Variants in SNTG1 observed in about 807,000 individuals in gnomAD.
The protein encoded by SNTG1 is syntrophin gamma 1.
Under a neutral mutation model 74.7 loss-of-function variants are expected in SNTG1, and 39 were observed. The ratio of observed to expected loss-of-function variants is 0.52; its 90% CI spans 0.40 to 0.68. The LOEUF (loss-of-function observed/expected upper bound fraction) is 0.68, where lower values mean the gene tolerates loss of function less well. Among genes scored for constraint, SNTG1 ranks in the 30% least tolerant of loss-of-function variants. The pLI is 0.00. For missense variants in SNTG1, 685 were observed against 609.5 expected (o/e 1.12, Z -1.30); for synonymous variants, 254 against 217.1 (o/e 1.17, Z -1.49).
chr8:50,351,762 T>C (rs2091669753), intron 2 of SNTG1, among the ~76,000 whole-genome samples: 1 of 152,158 alleles, frequency 6.6e-6, no homozygotes, highest in Non-Finnish European at 1.5e-5. Flanking sequence ...GTCTGAAAAC[T>C]CTGGAAAATA....
intron 10 of SNTG1, among the ~76,000 whole-genome samples, chr8:50,535,977 T>C (rs2094304303): frequency 6.6e-6 from 1 of 152,122 alleles, no homozygotes; most frequent in Non-Finnish European, 1.5e-5. Context: ...GAAGGAAACA[T>C]GAATCAAGTG....
intron 15 of SNTG1, among the ~76,000 whole-genome samples, chr8:50,686,204 TCTC>T (rs2095351904): frequency 6.6e-6 from 1 of 152,146 alleles, no homozygotes; most frequent in Non-Finnish European, 1.5e-5. Flanking sequence ...GGCAGTATCA[TCTC>T]CTGTTGAAAA....
At chr8:50,414,438 C>T (rs1370796737) in intron 4 of SNTG1, among the ~76,000 whole-genome samples, 1 of 152,030 alleles carries the variant, frequency 6.6e-6, no homozygotes, top group Non-Finnish European at 1.5e-5. Flanking sequence ...CATACTGACA[C>T]ACTAAGAGAG....
At chr8:50,701,301 T>C (rs965195530) in intron 15 of SNTG1, among the ~76,000 whole-genome samples, 3 of 152,196 alleles carry the variant, frequency 2.0e-5, no homozygotes, top group African/African-American at 7.2e-5. Flanking sequence ...ATTTTTGCTA[T>C]AGTAGCTTGT....
intron 2 of SNTG1, among the ~76,000 whole-genome samples, chr8:50,185,820 T>A (rs1204449517): frequency 6.6e-6 from 1 of 151,970 alleles, no homozygotes; most frequent in Non-Finnish European, 1.5e-5. Flanking sequence ...CTATTGTTTT[T>A]TATTTTATTT....
At chr8:50,370,903 C>G (rs866607201) in intron 2 of SNTG1, among the ~76,000 whole-genome samples, 1 of 152,114 alleles carries the variant, frequency 6.6e-6, no homozygotes, top group African/African-American at 2.4e-5. Flanking sequence ...AAAGTTGGAT[C>G]AGGCCGAATT....
At chr8:49,995,043 C>T (rs1204600471) in intron 1 of SNTG1, among the ~76,000 whole-genome samples, 1 of 152,068 alleles carries the variant, frequency 6.6e-6, no homozygotes. Flanking sequence ...TGAACTTGGC[C>T]TTTTCTTTTA....
intron 1 of SNTG1, among the ~76,000 whole-genome samples, chr8:49,925,449 T>TCTGC (rs1408006218): frequency 1.1e-4 from 17 of 150,384 alleles, no homozygotes; most frequent in Admixed American, 1.1e-3. Context: ...TGTGTATCTG[T>TCTGC]CTGTCTGTCT....
chr8:50,233,597 C>A (rs760817903), intron 2 of SNTG1, among the ~76,000 whole-genome samples: 3 of 151,510 alleles, frequency 2.0e-5, no homozygotes, highest in African/African-American at 2.4e-5. Flanking sequence ...TTTGAAAATT[C>A]TGTTAAGAAG....
intron 1 of SNTG1, among the ~76,000 whole-genome samples, chr8:49,959,027 T>C (rs1810442157): frequency 6.6e-6 from 1 of 152,236 alleles, no homozygotes; most frequent in Non-Finnish European, 1.5e-5. Flanking sequence ...CCTTGCAATA[T>C]ACACGTTAAA....
intron 2 of SNTG1, among the ~76,000 whole-genome samples, chr8:50,369,334 C>A (rs113717508): frequency 6.6e-6 from 1 of 152,116 alleles, no homozygotes; most frequent in East Asian, 1.9e-4. Flanking sequence ...CGGTGGCTAA[C>A]GCCTGTAATC....
chr8:50,226,042 A>G (rs1563766096), intron 2 of SNTG1, among the ~76,000 whole-genome samples: 1 of 152,244 alleles, frequency 6.6e-6, no homozygotes, highest in Non-Finnish European at 1.5e-5. Flanking sequence ...AAATGAACAC[A>G]ATAGAATTGC....
intron 1 of SNTG1, among the ~76,000 whole-genome samples, chr8:50,009,687 A>G (rs1318557094): frequency 6.6e-6 from 1 of 152,204 alleles, no homozygotes; most frequent in Non-Finnish European, 1.5e-5. Flanking sequence ...AGTGTCAAGT[A>G]TTATTTAGTC....
At chr8:50,570,591 G>GTTGTTGTTA (rs137977278) in intron 12 of SNTG1, among the ~76,000 whole-genome samples, 61,571 of 129,652 alleles carry the variant, frequency 0.47, 17,231 homozygotes, top group Non-Finnish European at 0.62. Flanking sequence ...TATTATTGTT[G>GTTGTTGTTA]TTATTATTAT....
chr8:50,103,984 T>G (rs2080259843), intron 1 of SNTG1, among the ~76,000 whole-genome samples: 1 of 152,208 alleles, frequency 6.6e-6, no homozygotes, highest in South Asian at 2.1e-4. Flanking sequence ...TGAGGATTTT[T>G]GCATCAATGT....
rs140453486 is a variant in SNTG1 at position 50,480,279 on chromosome 8, A to G, written c.364-22499A>G. 4.7e-3 allele frequency among the ~76,000 whole-genome samples: 669 copies of G among 142,542 alleles called. 10 individuals are homozygous for G. The highest frequency in any genetic ancestry group is 8.4e-3 in the Non-Finnish European group (533 of 63,608). The allele number at this position is 142,542 out of a possible 152,430, so 93.5% of individuals were successfully genotyped here. A position where few individuals can be genotyped will look rare whatever the true frequency, so the allele number is the denominator to read the frequency against. The stretch of plus-strand genomic sequence containing the variant: ...ATGGTCATCGTCTTTTTCTTTTTTG[A>G]GATTTTTTCCAACATGAACAAATTT... On this transcript the variant is annotated intron_variant, in intron 8 of 18. Transcript: ENST00000642720.
intron 4 of SNTG1, among the ~76,000 whole-genome samples, chr8:50,416,224 G>A (rs1054427977): frequency 6.6e-6 from 1 of 152,142 alleles, no homozygotes; most frequent in East Asian, 1.9e-4. Context: ...TCTGTGGTTT[G>A]TGGGATCATT....
At chr8:50,260,299 C>A (rs1563811491) in intron 2 of SNTG1, among the ~76,000 whole-genome samples, 1 of 152,126 alleles carries the variant, frequency 6.6e-6, no homozygotes, top group African/African-American at 2.4e-5. Context: ...TAAGGACATA[C>A]CTAGCTCTAG....
intron 2 of SNTG1, among the ~76,000 whole-genome samples, chr8:50,284,260 A>G (rs908478928): frequency 2.0e-5 from 3 of 152,066 alleles, no homozygotes; most frequent in African/African-American, 4.8e-5. Context: ...GAAAAACATA[A>G]GATGTTTTTC....
Sources: allele counts gnomAD v4.1 joint callset (sites outside exome capture counted in the v4.1 genomes callset), GRCh38; gene constraint gnomAD v4.1.1; transcripts MANE v1.5; gene names NCBI Gene and HGNC (gene_info 2026-07-23, HGNC 2026-07-21).